TENM1: variants seen among roughly 807,000 people sequenced by gnomAD.
TENM1 encodes the protein teneurin-1.
A neutral mutation model predicts 174.8 loss-of-function variants in TENM1; 35 were observed. The ratio of observed to expected loss-of-function variants is 0.20; its 90% CI spans 0.15 to 0.27. The LOEUF (loss-of-function observed/expected upper bound fraction) is 0.27. Among genes scored for constraint, TENM1 ranks in the 10% least tolerant of loss-of-function variants. The pLI, the probability that TENM1 is intolerant of heterozygous loss-of-function variation, is 1.00. For missense variants in TENM1, 1,633 were observed against 2,130.1 expected (o/e 0.77, Z 4.59); for synonymous variants, 781 against 798.7 (o/e 0.98, Z 0.37).
chrX:124,467,054 T>C lies in TENM1; in HGVS notation c.3950-13563A>G, dbSNP rs1211079110. On this transcript the variant is annotated intron_variant, in intron 22 of 31. Transcript: ENST00000422452. ...ACTGTAGTCAGCTTCCTTTCCTGAG[T>C]AAATACAGGTAAAATGGGGCACCTA... Among the ~76,000 whole-genome samples the C allele has an allele frequency of 9.0e-5, 10 of 111,016 alleles. No homozygotes were observed. The Admixed American group carries it at 9.6e-4, about 11-fold the overall frequency.
intron 5 of TENM1, among the ~76,000 whole-genome samples, chrX:124,688,305 A>G (rs1243836455): frequency 9.5e-6 from 1 of 105,528 alleles, no homozygotes; most frequent in East Asian, 2.9e-4. Flanking sequence ...CCAGGCTGAC[A>G]TGCCTGGGAT....
chrX:124,817,799 A>G (rs906639574), intron 3 of TENM1, among the ~76,000 whole-genome samples: 2 of 112,030 alleles, frequency 1.8e-5, no homozygotes, highest in Admixed American at 9.5e-5. Context: ...AGCTTCAACA[A>G]CATAATCCCA....
the TENM1 span, among the ~76,000 whole-genome samples, chrX:125,193,722 C>A: frequency 9.0e-6 from 1 of 111,168 alleles, no homozygotes; most frequent in Non-Finnish European, 1.9e-5. Context: ...CCTGCCCCTA[C>A]GATTTCAACT....
At chrX:125,087,825 C>T in the TENM1 span, among the ~76,000 whole-genome samples, 1 of 111,262 alleles carries the variant, frequency 9.0e-6, no homozygotes, top group Non-Finnish European at 1.9e-5. Context: ...TAAGTCCACA[C>T]TGATATATAT....
At chrX:124,905,079 C>T (rs1466847952) in intron 1 of TENM1, among the ~76,000 whole-genome samples, 1 of 110,887 alleles carries the variant, frequency 9.0e-6, no homozygotes, top group Non-Finnish European at 1.9e-5. Context: ...AATCCCACCA[C>T]TTTGGGAAGC....
chrX:124,822,867 G>A (rs756352121), intron 3 of TENM1, among the ~76,000 whole-genome samples: 2 of 111,891 alleles, frequency 1.8e-5, no homozygotes, highest in African/African-American at 3.2e-5. Context: ...ACCCAGAATC[G>A]GTAACAGGTT....
chrX:124,701,403 T>G (rs16999383), intron 5 of TENM1, among the ~76,000 whole-genome samples: 2,605 of 111,555 alleles, frequency 0.023, 35 homozygotes, highest in African/African-American at 0.044. Context: ...ACATCAAAGA[T>G]TGCCAGAGAA....
exon 32 of TENM1, chrX:124,378,047 G>T (rs1410144289): frequency 9.1e-6 from 1 of 109,812 alleles, no homozygotes; most frequent in African/African-American, 3.3e-5. Flanking sequence ...AATAATAATA[G>T]TTCAAGGCAG....
chrX:124,754,164 A>G (rs1373769719), intron 3 of TENM1, among the ~76,000 whole-genome samples: 1 of 111,083 alleles, frequency 9.0e-6, no homozygotes, highest in Non-Finnish European at 1.9e-5. Context: ...ACAATTTCAG[A>G]GCCTGTTATT....
At chrX:125,133,325 T>C in the TENM1 span, among the ~76,000 whole-genome samples, 4 of 111,923 alleles carry the variant, frequency 3.6e-5, no homozygotes, top group Non-Finnish European at 5.6e-5. Flanking sequence ...CTTAGGAACA[T>C]AGGCCACTGG....
intron 25 of TENM1, among the ~76,000 whole-genome samples, chrX:124,411,579 G>C (rs915377806): frequency 9.0e-6 from 1 of 111,603 alleles, no homozygotes; most frequent in Non-Finnish European, 1.9e-5. Flanking sequence ...CTAGTTCACA[G>C]TTAAAGCAAT....
At chrX:125,026,200 GA>G in the TENM1 span, among the ~76,000 whole-genome samples, 44 of 97,748 alleles carry the variant, frequency 4.5e-4, no homozygotes, top group East Asian at 6.1e-3. Context: ...AAAGGCAAAG[GA>G]AAAAAAAAAC....
exon 32 of TENM1, chrX:124,380,440 A>G (rs1396312296): frequency 7.3e-6 from 6 of 823,867 alleles, no homozygotes; most frequent in African/African-American, 2.1e-5. Context: ...CCATATTTAC[A>G]TATACAGAGT....
intron 6 of TENM1, among the ~76,000 whole-genome samples, chrX:124,657,962 C>T (rs769045189): frequency 8.9e-6 from 1 of 112,050 alleles, no homozygotes; most frequent in Non-Finnish European, 1.9e-5. Context: ...CCAAATTAGA[C>T]CTAGTGTGTG....
At chrX:124,888,672 G>A (rs1306288836) in intron 3 of TENM1, among the ~76,000 whole-genome samples, 1 of 111,913 alleles carries the variant, frequency 8.9e-6, no homozygotes, top group Non-Finnish European at 1.9e-5. Flanking sequence ...TGTCTAATAC[G>A]TGATAACAGG....
chrX:125,182,462 G>T, the TENM1 span, among the ~76,000 whole-genome samples: 4 of 77,406 alleles, frequency 5.2e-5, no homozygotes, highest in Admixed American at 3.4e-4. Context: ...GCGGGGGGGG[G>T]GGCATTTTTC....
intron 3 of TENM1, among the ~76,000 whole-genome samples, chrX:124,867,677 T>C (rs1427414182): frequency 2.7e-5 from 3 of 111,775 alleles, no homozygotes; most frequent in Non-Finnish European, 5.6e-5. Flanking sequence ...GACACCTAAA[T>C]TGGAAAGGAC....
chrX:124,394,212 T>C (rs1450281650), intron 27 of TENM1, among the ~76,000 whole-genome samples: 6 of 112,171 alleles, frequency 5.3e-5, no homozygotes, highest in African/African-American at 3.2e-5. Flanking sequence ...ACATTAATCA[T>C]AGTCAGATTA....
At chrX:124,761,253 C>T (rs187648871) in intron 3 of TENM1, among the ~76,000 whole-genome samples, 1,342 of 110,404 alleles carry the variant, frequency 0.012, 41 homozygotes, top group East Asian at 0.11. Context: ...CGTATGTTCA[C>T]GGCGGCACTA....
Sources: gnomAD v4.1 joint callset for allele counts (sites outside exome capture counted in the v4.1 genomes callset) on GRCh38, gnomAD v4.1.1 for gene constraint, MANE v1.5 for transcripts, NCBI Gene and HGNC (gene_info 2026-07-23, HGNC 2026-07-21) for gene names.